Variants in ZNF131 observed in about 807,000 individuals in gnomAD.
The protein encoded by ZNF131 is zinc finger protein 131.
In ZNF131, 7 loss-of-function variants were observed where a neutral mutation model predicts 60.0. The observed-to-expected ratio is 0.12, with a 90% CI of 0.07 to 0.22. The LOEUF (loss-of-function observed/expected upper bound fraction) is 0.22. Among genes scored for constraint, ZNF131 ranks in the 10% least tolerant of loss-of-function variants. The probability of loss-of-function intolerance (pLI) is 1.00; values close to 1 mark genes in which losing one functional copy is unlikely to be tolerated. For synonymous variants in ZNF131, 257 were observed against 253.2 expected (o/e 1.01, Z -0.14); for missense variants, 493 against 740.9 (o/e 0.67, Z 3.88).
intron 4 of ZNF131, among the ~76,000 whole-genome samples, chr5:43,153,715 C>T (rs967154825): frequency 2.6e-5 from 4 of 152,144 alleles, no homozygotes; most frequent in Admixed American, 2.6e-4. Flanking sequence ...TTACTTCCCT[C>T]CCCTTCTGTC....
intron 4 of ZNF131, among the ~76,000 whole-genome samples, chr5:43,159,896 T>C (rs934392601): frequency 1.3e-5 from 2 of 152,016 alleles, no homozygotes; most frequent in East Asian, 1.9e-4. Flanking sequence ...CTGGGCAGGC[T>C]GGGCGCGGTG....
intron 3 of ZNF131, among the ~76,000 whole-genome samples, chr5:43,136,476 C>CTT (rs70991484): frequency 0.035 from 2,472 of 69,968 alleles, 484 homozygotes; most frequent in Non-Finnish European, 0.049. Context: ...AGGCATCATA[C>CTT]TTTTTTTTTT....
At chr5:43,130,590 G>A (rs1745213625) in intron 3 of ZNF131, among the ~76,000 whole-genome samples, 1 of 151,912 alleles carries the variant, frequency 6.6e-6, no homozygotes, top group Admixed American at 6.6e-5. Flanking sequence ...TTGAGACAGC[G>A]TTTTGCTCTT....
intron 4 of ZNF131, among the ~76,000 whole-genome samples, chr5:43,157,361 A>T (rs971386227): frequency 2.0e-5 from 3 of 152,114 alleles, no homozygotes; most frequent in African/African-American, 7.2e-5. Context: ...GCAATCGCAA[A>T]TTTCCCTTCT....
chr5:43,126,301 C>T (rs76504078), intron 3 of ZNF131, among the ~76,000 whole-genome samples: 8,115 of 152,280 alleles, frequency 0.053, 319 homozygotes, highest in South Asian at 0.13. Flanking sequence ...CTTTAGCGGG[C>T]AGTTAACCTG....
chr5:43,124,316 A>G (rs1443156390), intron 3 of ZNF131: 1 of 152,130 alleles, frequency 6.6e-6, no homozygotes, highest in African/African-American at 2.4e-5. Flanking sequence ...TGCCTACGTA[A>G]TTACAGAATT....
chr5:43,121,371 G>C (rs1402880279), intron 1 of ZNF131: 3 of 153,070 alleles, frequency 2.0e-5, no homozygotes, highest in Admixed American at 1.3e-4. Context: ...TCTTCTCAGA[G>C]AGCAAGCCCT....
intron 4 of ZNF131, among the ~76,000 whole-genome samples, chr5:43,139,905 T>A (rs967267674): frequency 6.6e-6 from 1 of 152,154 alleles, no homozygotes; most frequent in Non-Finnish European, 1.5e-5. Context: ...GTATTAAAAT[T>A]TCTCCTGAGA....
chr5:43,158,173 G>T (rs1170170365), intron 4 of ZNF131, among the ~76,000 whole-genome samples: 1 of 152,176 alleles, frequency 6.6e-6, no homozygotes, highest in Non-Finnish European at 1.5e-5. Context: ...TCTCTGTGTT[G>T]GTCAGGCTGG....
At chr5:43,125,753 C>G (rs1744463028) in intron 3 of ZNF131, among the ~76,000 whole-genome samples, 1 of 151,718 alleles carries the variant, frequency 6.6e-6, no homozygotes, top group Non-Finnish European at 1.5e-5. Context: ...GCACTCCAGC[C>G]TGGGCAACAA....
chr5:43,143,312 C>T (rs1030119384), intron 4 of ZNF131: 59 of 1,183,566 alleles, frequency 5.0e-5, no homozygotes, highest in Non-Finnish European at 4.9e-5. Flanking sequence ...CGAGTCACTG[C>T]GCCCGGCCTC....
At position 43,142,905 on chromosome 5, in the gene ZNF131, C is replaced by A. The variant is rs148200163; in HGVS notation, c.371+3596C>A. Among the ~76,000 whole-genome samples, 12 of 152,052 alleles carry A rather than the reference C, an allele frequency of 7.9e-5. No homozygotes were observed. The East Asian group carries it at 1.2e-3, about 15-fold the overall frequency. ...ACAGGATTTCACCATGTTGCCCAGG[C>A]TACTAGTCTCGAACTCCTGGGCTCA... On this transcript the variant is annotated intron_variant, in intron 4 of 6. Coordinates refer to ENST00000682664, the MANE Select transcript of ZNF131 (RefSeq NM_001330707.2).
chr5:43,144,745 G>C (rs1486883404), intron 4 of ZNF131, among the ~76,000 whole-genome samples: 1 of 151,944 alleles, frequency 6.6e-6, no homozygotes, highest in Non-Finnish European at 1.5e-5. Flanking sequence ...ATTTTATCCT[G>C]TCTTAGATTT....
chr5:43,143,000 A>G (rs936674043), intron 4 of ZNF131, among the ~76,000 whole-genome samples: 4 of 149,318 alleles, frequency 2.7e-5, no homozygotes, highest in African/African-American at 4.9e-5. Context: ...TTGGCCAGAC[A>G]TGGTTTCTTT....
intron 3 of ZNF131, among the ~76,000 whole-genome samples, chr5:43,126,533 C>G (rs1276143623): frequency 1.3e-5 from 2 of 152,176 alleles, no homozygotes; most frequent in East Asian, 3.8e-4. Flanking sequence ...CGTGACTTCC[C>G]TTGTACACAA....
At chr5:43,162,850 A>G (rs1749879172) in intron 5 of ZNF131, among the ~76,000 whole-genome samples, 1 of 139,168 alleles carries the variant, frequency 7.2e-6, no homozygotes, top group Non-Finnish European at 1.5e-5. Context: ...GGTTGCCATG[A>G]GCCAAGATCA....
chr5:43,125,578 C>T (rs747943630), intron 3 of ZNF131, among the ~76,000 whole-genome samples: 4 of 151,750 alleles, frequency 2.6e-5, no homozygotes, highest in Admixed American at 2.0e-4. Flanking sequence ...GTCGAGAGGT[C>T]GAGACCAGCC....
rs1469220395 is a variant in ZNF131 at position 43,161,438 on chromosome 5, A to C, written c.561A>C (p.Leu187Phe). 6 of 1,614,258 alleles carry C rather than the reference A, an allele frequency of 3.7e-6. No homozygotes were observed. The highest frequency in any genetic ancestry group is 5.1e-6 in the Non-Finnish European group (6 of 1,180,036). ...TGGAAGATGAAGGCATCGAAACATTAGAGGAAGTGGCTTCTGCCAAGCAGT... is the reference window on the plus strand; with the variant it reads ...TGGAAGATGAAGGCATCGAAACATTCGAGGAAGTGGCTTCTGCCAAGCAGT... The part of the protein sequence containing the change: ...IEVEDEGIET[L>F]EEVASAKQSV... Residue 187 changes from leucine to phenylalanine, a missense_variant, in exon 5 of 7, where the codon TTA becomes TTC. Leu to Phe is a conservative substitution (Grantham distance 22, BLOSUM62 0). Transcript: ENST00000682664.
chr5:43,125,103 G>T (rs1744355986), intron 3 of ZNF131: 1 of 151,812 alleles, frequency 6.6e-6, no homozygotes, highest in Non-Finnish European at 1.5e-5. Context: ...AGACCCAGGA[G>T]ATGAAGAATT....
Sources: allele counts gnomAD v4.1 joint callset (sites outside exome capture counted in the v4.1 genomes callset), GRCh38; gene constraint gnomAD v4.1.1; transcripts MANE v1.5; gene names NCBI Gene and HGNC (gene_info 2026-07-23, HGNC 2026-07-21).